The following FNDC8 variants were observed in gnomAD, a reference collection of about 807,000 sequenced individuals.
FNDC8 encodes fibronectin type III domain containing 8, also known as fibronectin type III domain-containing protein 8.
Under a neutral mutation model 24.8 loss-of-function variants are expected in FNDC8, and 23 were observed. The ratio of observed to expected loss-of-function variants is 0.93; its 90% CI spans 0.67 to 1.31. FNDC8 has a LOEUF of 1.31. Among genes scored for constraint, FNDC8 ranks in the 40% most tolerant of loss-of-function variants. The pLI is 0.00. For missense variants in FNDC8, 371 were observed against 398.2 expected, an observed-to-expected ratio of 0.93 and a Z score of 0.58; for synonymous variants, 158 against 165.3, an observed-to-expected ratio of 0.96 and a Z score of 0.34.
At chr17:35,129,239 A>T in intron 2 of FNDC8, 183 bp from the exon 3 acceptor site, 1 of 731,814 alleles carries the variant, frequency 1.4e-6, no homozygotes, top group Non-Finnish European at 2.3e-6. Flanking sequence ...GGAGAGTAGT[A>T]CATGCTTCGG....
rs149695405 is a variant in FNDC8 at position 35,127,421 on chromosome 17, C to T, written c.585+4C>T. 3.9e-3 allele frequency: 5,951 copies of T among 1,536,374 alleles called. 31 individuals are homozygous for T. The highest frequency in any genetic ancestry group is 4.0e-3 in the Non-Finnish European group (4,545 of 1,141,254). ...CGTCAACAATTCCACAGCTGTGGTG[C>T]GTTTCCCTTGCTCATGCGTTCAGCA... On this transcript the variant is annotated splice_donor_region_variant and intron_variant, in intron 2 of 3. Transcript: ENST00000158009.
rs911770758 is a variant in FNDC8, at chr17:35,121,618, G to A, written c.-76G>A. 3 of 1,389,456 alleles carry A rather than the reference G, an allele frequency of 2.2e-6. No homozygotes were observed. The African/African-American group carries it at 4.3e-5, about 20-fold the overall frequency. The allele number at this position is 1,389,456 out of a possible 1,614,324, so 86.1% of individuals were successfully genotyped here. A position where few individuals can be genotyped will look rare whatever the true frequency, so the allele number is the denominator to read the frequency against. ...CTGTCCAAACTAAAGGTGGGCCACTGCCCCCACAGTTTCTCTCTGCTTCTG... is the reference window on the plus strand; with the variant it reads ...CTGTCCAAACTAAAGGTGGGCCACTACCCCCACAGTTTCTCTCTGCTTCTG... On this transcript the variant is annotated 5_prime_UTR_variant, in exon 1 of 4. Coordinates refer to ENST00000158009, the MANE Select transcript of FNDC8 (RefSeq NM_017559.4).
At position 35,129,665 on chromosome 17, in the gene FNDC8, C is replaced by T; in HGVS notation, c.822+7C>T. On this transcript the variant is annotated splice_region_variant and intron_variant, in intron 3 of 3. Coordinates refer to ENST00000158009, the MANE Select transcript of FNDC8 (RefSeq NM_017559.4). The stretch of plus-strand genomic sequence containing the variant: ...GTGGTGCAAGCCCTACAAAGTGAGC[C>T]CTGGGAAAAGAGGGGCCTTGGGGGT... 1 of 1,612,788 alleles carries T rather than the reference C, an allele frequency of 6.2e-7. No individual in the cohort carries two copies. Among genetic ancestry groups the T allele is most frequent in the Non-Finnish European group, 8.5e-7 (1 of 1,179,602 alleles).
chr17:35,122,004 TGACAGGATC>T, intron 1 of FNDC8, 102 bp downstream of exon 1: 1 of 676,750 alleles, frequency 1.5e-6, no homozygotes, highest in Non-Finnish European at 2.3e-6. Context: ...TTTTTTTTTT[TGACAGGATC>T]TTGCTTTGTC....
rs1404516078 is a variant in FNDC8, at chr17:35,127,091, A to G, written c.259A>G (p.Ile87Val). The G allele has an allele frequency of 1.2e-6, 2 of 1,613,744 alleles. No homozygotes were observed. The highest frequency in any genetic ancestry group is 2.2e-5 in the South Asian group (2 of 90,986). The change falls in exon 2 of 4, where the codon ATC becomes GTC. Residue 87 changes from isoleucine (I) to valine (V), a missense_variant. Transcript: ENST00000158009. The part of the protein sequence containing the change: ...DSDCSSDETS[I>V]SAFSSTLLNP... ...AGACTGCAGCTCTGATGAGACCAGC[A>G]TCTCTGCCTTCTCATCCACCTTGCT... is the stretch of plus-strand genomic sequence containing the variant.
Position 35,127,402 on chromosome 17 carries a change from C to A in FNDC8, c.570C>A (p.Asn190Lys). ...DTPFIFEHTV[N>K]NSTAVISWTY... The stretch of plus-strand genomic sequence containing the variant: ...CCTTCATCTTTGAGCACACCGTCAA[C>A]AATTCCACAGCTGTGGTGCGTTTCC... The change falls in exon 2 of 4, where the codon AAC (asparagine) becomes AAA (lysine). Residue 190 changes from asparagine to lysine, a missense_variant. By Grantham distance (94) the Asn-to-Lys change is moderately conservative. Coordinates refer to ENST00000158009, the MANE Select transcript of FNDC8 (RefSeq NM_017559.4). 1 of 1,555,008 alleles carries A rather than the reference C, an allele frequency of 6.4e-7. No homozygotes were observed. The highest frequency in any genetic ancestry group is 1.9e-5 in the Admixed American group (1 of 51,654).
At position 35,127,120 on chromosome 17, in the gene FNDC8, C is replaced by T. The variant is rs564207748; in HGVS notation, c.288C>T (p.Asn96=). Residue 96 remains asparagine, a synonymous_variant, in exon 2 of 4, where the codon AAC becomes AAT. Transcript: ENST00000158009. The part of the protein sequence containing the change: ...SISAFSSTLL[N]PIKLAVTQPN... The stretch of plus-strand genomic sequence containing the variant: ...CTGCCTTCTCATCCACCTTGCTGAA[C>T]CCCATCAAATTAGCTGTGACCCAGC... 1.2e-6 allele frequency: 2 copies of T among 1,614,186 alleles called. No individual in the cohort carries two copies. Among genetic ancestry groups the T allele is most frequent in the Non-Finnish European group, 1.7e-6 (2 of 1,180,018 alleles).
chr17:35,123,966 T>C (rs1466524884), intron 1 of FNDC8, among the ~76,000 whole-genome samples: 1 of 152,214 alleles, frequency 6.6e-6, no homozygotes, highest in African/African-American at 2.4e-5. Context: ...AAAGCACATA[T>C]GACATTAATA....
rs530581210 is a variant in FNDC8, at chr17:35,130,215, G to C, written c.823-67G>C. The stretch of plus-strand genomic sequence containing the variant: ...GCAGACAGAAAAAAAAGGGGTGATA[G>C]AGACAGAGAGAGAGCCAGGTTCAGA... On this transcript the variant is annotated intron_variant, in intron 3 of 3. Coordinates refer to ENST00000158009, the MANE Select transcript of FNDC8 (RefSeq NM_017559.4). 9 of 1,568,482 alleles carry C rather than the reference G, an allele frequency of 5.7e-6. No homozygotes were observed. In the African/African-American group the frequency reaches 8.2e-5, roughly 14 times the overall value.
Position 35,122,187 on chromosome 17 carries a change from TA to T in FNDC8, c.209+286del, listed in dbSNP as rs1567738472. On this transcript the variant is annotated intron_variant, in intron 1 of 3. Coordinates refer to ENST00000158009, the MANE Select transcript of FNDC8 (RefSeq NM_017559.4). ...ATATATATATATATATATATATATATATATATATATATATATATATAAATTT... is the reference window on the plus strand; with the variant it reads ...ATATATATATATATATATATATATATTATATATATATATATATATAAATTT... Among the ~76,000 whole-genome samples, 17 of 23,874 alleles carry T rather than the reference TA, an allele frequency of 7.1e-4. 1 individual carries two copies. The highest frequency in any genetic ancestry group is 2.8e-3 in the African/African-American group (13 of 4,662). 15.7% of individuals were successfully genotyped at this position (23,874 alleles called of 152,430 possible).
Position 35,129,485 on chromosome 17 carries a change from G to C in FNDC8, c.649G>C (p.Val217Leu), listed in dbSNP as rs1158022966. Reference sequence around the variant, plus strand: ...TTTCTACCAGCTCCTGTTACAGGAGGTGGCCAAGACACAGGAGAATGAGTT... The same window carrying C: ...TTTCTACCAGCTCCTGTTACAGGAGCTGGCCAAGACACAGGAGAATGAGTT... Reference protein sequence around the residue: ...VSFYQLLLQEVAKTQENELPE... With the variant: ...VSFYQLLLQELAKTQENELPE... Residue 217 changes from valine to leucine, a missense_variant, in exon 3 of 4, where the codon GTG (valine) becomes CTG (leucine). Val to Leu is a conservative substitution (Grantham distance 32, BLOSUM62 1). Coordinates refer to ENST00000158009, the MANE Select transcript of FNDC8 (RefSeq NM_017559.4). 5.0e-6 allele frequency: 8 copies of C among 1,614,206 alleles called. No homozygotes were observed. In the South Asian group the frequency reaches 5.5e-5, roughly 11 times the overall value.
At chr17:35,122,529 T>C (rs758525357) in intron 1 of FNDC8, among the ~76,000 whole-genome samples, 4 of 152,012 alleles carry the variant, frequency 2.6e-5, no homozygotes, top group Non-Finnish European at 5.9e-5. Flanking sequence ...GAGGCCTTCT[T>C]GGATTAGTCA....
At chr17:35,124,373 C>T (rs1337569455) in intron 1 of FNDC8, among the ~76,000 whole-genome samples, 2 of 152,014 alleles carry the variant, frequency 1.3e-5, no homozygotes, top group Non-Finnish European at 2.9e-5. Context: ...ACTAAAAATA[C>T]AAAAATTAGC....
intron 2 of FNDC8, among the ~76,000 whole-genome samples, chr17:35,127,639 G>C (rs917800858): frequency 6.6e-6 from 1 of 152,244 alleles, no homozygotes; most frequent in Admixed American, 6.5e-5. Context: ...CAGAGGGAAA[G>C]ATATTTCCAG....
At chr17:35,124,781 C>T (rs776301545) in intron 1 of FNDC8, among the ~76,000 whole-genome samples, 1 of 152,060 alleles carries the variant, frequency 6.6e-6, no homozygotes, top group Non-Finnish European at 1.5e-5. Context: ...GGGGCAGTGG[C>T]TCACGCCTGT....
intron 2 of FNDC8, 100 bp downstream of exon 2, chr17:35,127,517 AC>A (rs2091854414): frequency 7.3e-7 from 1 of 1,362,400 alleles, no homozygotes; most frequent in African/African-American, 1.4e-5. Flanking sequence ...CTGCATGTCG[AC>A]CTCAAGTTCA....
intron 1 of FNDC8, among the ~76,000 whole-genome samples, chr17:35,122,982 A>G (rs1345195246): frequency 4.6e-5 from 7 of 152,018 alleles, no homozygotes; most frequent in Admixed American, 4.6e-4. Context: ...GGTGCAGTTG[A>G]AGGAGGCTTC....
Position 35,121,830 on chromosome 17 carries a change from C to G in FNDC8, c.137C>G (p.Thr46Ser). The G allele has an allele frequency of 6.2e-7, 1 of 1,613,816 alleles. No homozygotes were observed. The highest frequency in any genetic ancestry group is 8.5e-7 in the Non-Finnish European group (1 of 1,179,966). ...CCCAAGTCTATGAACCGGACCGTCA[C>G]TACCAAAGGACTCCCACTAGCCTCA... Reference protein sequence around the residue: ...SNPKSMNRTVTTKGLPLASKG... With the variant: ...SNPKSMNRTVSTKGLPLASKG... Residue 46 changes from threonine to serine, a missense_variant, in exon 1 of 4, where the codon ACT becomes AGT. Transcript: ENST00000158009.
At chr17:35,122,461 T>C (rs2091833694) in intron 1 of FNDC8, among the ~76,000 whole-genome samples, 1 of 151,694 alleles carries the variant, frequency 6.6e-6, no homozygotes, top group Non-Finnish European at 1.5e-5. Context: ...GTTGGATCTA[T>C]TTATGTATTC....
Sources: gnomAD v4.1 joint callset for allele counts (sites outside exome capture counted in the v4.1 genomes callset) on GRCh38, gnomAD v4.1.1 for gene constraint, MANE v1.5 for transcripts, NCBI Gene and HGNC (gene_info 2026-07-23, HGNC 2026-07-21) for gene names.